HEG1: variants seen among roughly 807,000 people sequenced by gnomAD.
HEG1 encodes heart development protein with EGF like domains 1.
HEG1 carries 56 observed loss-of-function variants against 125.6 expected under a neutral mutation model. The observed-to-expected ratio is 0.45, with a 90% CI of 0.36 to 0.56. The LOEUF (loss-of-function observed/expected upper bound fraction) is 0.56, where lower values mean the gene tolerates loss of function less well. Among genes scored for constraint, HEG1 ranks in the 20% least tolerant of loss-of-function variants. HEG1 has a pLI of 0.00. For missense variants in HEG1, 1,523 were observed against 1,670.0 expected (o/e 0.91, Z 1.53); for synonymous variants, 644 against 668.5 (o/e 0.96, Z 0.57).
rs779519939 is a variant in HEG1, at chr3:124,973,888, A to T, written c.3839T>A (p.Ile1280Lys). The change falls in exon 16 of 17, where the codon ATA becomes AAA. Residue 1280 changes from isoleucine (I) to lysine (K), a missense_variant. By Grantham distance (102) the Ile-to-Lys change is moderately radical. Transcript: ENST00000311127. Reference protein sequence around the residue: ...VTCCRKNKNDISKLIFKSGDF... With the variant: ...VTCCRKNKNDKSKLIFKSGDF... ...TCCACTTTTGAAGATGAGTTTGCTT[A>T]TGTCATTTTTATTCTTTCTGTGGGA... The T allele has an allele frequency of 6.2e-7, 1 of 1,611,640 alleles. No homozygotes were observed. The highest frequency in any genetic ancestry group is 1.7e-5 in the Admixed American group (1 of 59,790).
chr3:124,979,385 C>G (rs1936609688), intron 14 of HEG1, among the ~76,000 whole-genome samples: 1 of 152,174 alleles, frequency 6.6e-6, no homozygotes, highest in Admixed American at 6.5e-5. Flanking sequence ...CTGCATCAAC[C>G]ATGCTAGGGA....
chr3:124,993,817 C>T (rs1250838022), intron 12 of HEG1, among the ~76,000 whole-genome samples: 6 of 152,296 alleles, frequency 3.9e-5, no homozygotes, highest in South Asian at 4.1e-4. Flanking sequence ...GTCCTGCCCG[C>T]GAGCTGATGG....
intron 1 of HEG1, 36 bp from the exon 2 acceptor site, chr3:125,029,524 C>T (rs368063856): frequency 2.1e-5 from 33 of 1,565,668 alleles, no homozygotes; most frequent in Non-Finnish European, 2.3e-5. Flanking sequence ...GGAGAGTTTG[C>T]TGGCTTCTGA....
At chr3:125,046,125 C>T (rs1293087024) in intron 1 of HEG1, among the ~76,000 whole-genome samples, 1 of 152,040 alleles carries the variant, frequency 6.6e-6, no homozygotes, top group Non-Finnish European at 1.5e-5. Context: ...AAGCACAGTT[C>T]CTCCAACCCC....
chr3:124,983,519 G>A (rs1016968647), intron 14 of HEG1, among the ~76,000 whole-genome samples: 2 of 137,166 alleles, frequency 1.5e-5, no homozygotes, highest in African/African-American at 5.5e-5. Context: ...TTTTTTTTTA[G>A]AGATGAGGTC....
chr3:124,976,883 G>A (rs936853621), intron 15 of HEG1, among the ~76,000 whole-genome samples: 13 of 152,048 alleles, frequency 8.5e-5, no homozygotes, highest in South Asian at 2.1e-4. Context: ...AGATACAGAC[G>A]CCCAATCTCA....
At position 125,014,381 on chromosome 3, in the gene HEG1, A is replaced by G. The variant is rs371363122; in HGVS notation, c.1589-391T>C. ...AGAATAACTGTTATGCCTAAATGAA[A>G]AAAGGAAAATCTTCCCAACTTTCCA... is the stretch of plus-strand genomic sequence containing the variant. On this transcript the variant is annotated intron_variant, in intron 5 of 16. Transcript: ENST00000311127. Among the ~76,000 whole-genome samples the G allele has an allele frequency of 2.5e-4, 38 of 152,352 alleles. No homozygotes were observed. The East Asian group carries it at 5.4e-3, about 22-fold the overall frequency.
chr3:125,019,244 T>G lies in HEG1; in HGVS notation c.1588+18A>C. On this transcript the variant is annotated intron_variant, in intron 5 of 16. Transcript: ENST00000311127. ...CTCTCCTCTATGGGGCACAGTTGCA[T>G]GAAATGGAAAAACTCACTCGAACGT... is the stretch of plus-strand genomic sequence containing the variant. The G allele has an allele frequency of 6.3e-7, 1 of 1,592,898 alleles. No homozygotes were observed. Among genetic ancestry groups the G allele is most frequent in the Non-Finnish European group, 8.6e-7 (1 of 1,161,736 alleles).
In HEG1 at chr3:124,973,801, C is replaced by G. The variant is rs375137864; in HGVS notation, c.3926G>C (p.Arg1309Pro). ...PKNPRSQEWGREAIEMHENGS... is the reference protein window; with the variant it reads ...PKNPRSQEWGPEAIEMHENGS... The stretch of plus-strand genomic sequence containing the variant: ...ATTCTCATGCATTTCAATAGCTTCT[C>G]GGCCCCATTCTTGTGAGCGAGGATT... Residue 1309 changes from arginine to proline, a missense_variant, in exon 16 of 17, where the codon CGA (arginine) becomes CCA (proline). Transcript: ENST00000311127. 1 of 1,613,904 alleles carries G rather than the reference C, an allele frequency of 6.2e-7. No homozygotes were observed. The highest frequency in any genetic ancestry group is 2.2e-5 in the East Asian group (1 of 44,892).
intron 7 of HEG1, 102 bp from the exon 8 acceptor site, chr3:125,009,926 T>C: frequency 8.3e-7 from 1 of 1,207,218 alleles, no homozygotes; most frequent in Non-Finnish European, 1.1e-6. Flanking sequence ...GTGCTAGGTG[T>C]GGTGAGACCC....
In HEG1 at chr3:125,009,795, G is replaced by A; in HGVS notation, c.3103C>T (p.Pro1035Ser). ...GTATTGTTGCACATGGCTGTGGATG[G>A]GCAGGGGTTCGACAGGCACTCATTC... ...DVNECLSNPC[P>S]STAMCNNTQG... The change falls in exon 8 of 17, where the codon CCA (proline) becomes TCA (serine). Residue 1035 changes from proline to serine, a missense_variant. Pro to Ser is a moderately conservative substitution (Grantham distance 74). Coordinates refer to ENST00000311127, the MANE Select transcript of HEG1 (RefSeq NM_020733.2). The A allele has an allele frequency of 6.2e-7, 1 of 1,613,540 alleles. No homozygotes were observed. Among genetic ancestry groups the A allele is most frequent in the Non-Finnish European group, 8.5e-7 (1 of 1,179,614 alleles).
chr3:125,011,252 A>G lies in HEG1; in HGVS notation c.2957-697T>C, dbSNP rs188477790. 2.6e-3 allele frequency among the ~76,000 whole-genome samples: 401 copies of G among 152,276 alleles called. 2 individuals are homozygous for G. The highest frequency in any genetic ancestry group is 5.4e-3 in the South Asian group (26 of 4,826). Reference sequence around the variant, plus strand: ...AAAAGTCAAGTCTTCACTCAAAAAAAAAAAATAGTAACCCTGAAAACAAAT... The same window carrying G: ...AAAAGTCAAGTCTTCACTCAAAAAAGAAAAATAGTAACCCTGAAAACAAAT... On this transcript the variant is annotated intron_variant, in intron 6 of 16. Transcript: ENST00000311127.
At position 124,969,221 on chromosome 3, in the gene HEG1, G is replaced by A. The variant is rs1936380234; in HGVS notation, c.*1431C>T. 6.6e-6 allele frequency: 1 copy of A among 152,088 alleles called. No individual in the cohort carries two copies. Among genetic ancestry groups the A allele is most frequent in the African/African-American group, 2.4e-5 (1 of 41,394 alleles). 9.4% of individuals were successfully genotyped at this position (152,088 alleles called of 1,614,324 possible). On this transcript the variant is annotated 3_prime_UTR_variant, in exon 17 of 17. Transcript: ENST00000311127. ...TCCAAAACCAGGATGCCCCAAAGAA[G>A]GCCAATAAACACAGTTCCCCAGGTG... is the stretch of plus-strand genomic sequence containing the variant.
intron 14 of HEG1, among the ~76,000 whole-genome samples, chr3:124,987,529 T>C (rs1403008742): frequency 4.7e-5 from 7 of 150,340 alleles, no homozygotes; most frequent in Admixed American, 2.0e-4. Flanking sequence ...TTTTCTTTTT[T>C]TTTTTTTTTT....
intron 5 of HEG1, among the ~76,000 whole-genome samples, chr3:125,017,502 A>T (rs1937268986): frequency 6.6e-6 from 1 of 152,248 alleles, no homozygotes; most frequent in African/African-American, 2.4e-5. Flanking sequence ...ACTGGAAAAT[A>T]CAAGTCAAAA....
rs1233846044 is a variant in HEG1 at position 124,969,525 on chromosome 3, G to C, written c.*1127C>G. 1 of 152,216 alleles carries C rather than the reference G, an allele frequency of 6.6e-6. No individual in the cohort carries two copies. Among genetic ancestry groups the C allele is most frequent in the East Asian group, 1.9e-4 (1 of 5,202 alleles). The allele number at this position is 152,216 out of a possible 1,614,324, so 9.4% of individuals were successfully genotyped here. A position where few individuals can be genotyped will look rare whatever the true frequency, so the allele number is the denominator to read the frequency against. On this transcript the variant is annotated 3_prime_UTR_variant, in exon 17 of 17. Coordinates refer to ENST00000311127, the MANE Select transcript of HEG1 (RefSeq NM_020733.2). ...GGTTGAAAGTTTACATGGGGTTTGT[G>C]GACATGAGATTCTGGGTACAAAGTG...
intron 1 of HEG1, among the ~76,000 whole-genome samples, chr3:125,031,653 CCACA>C (rs139599713): frequency 2.0e-5 from 3 of 148,956 alleles, no homozygotes; most frequent in Non-Finnish European, 3.0e-5. Context: ...TATCTAAATA[CCACA>C]CACACACACA....
At chr3:125,023,096 AG>A (rs1937359808) in intron 3 of HEG1, among the ~76,000 whole-genome samples, 1 of 152,174 alleles carries the variant, frequency 6.6e-6, no homozygotes, top group African/African-American at 2.4e-5. Flanking sequence ...CGGGAGGTTG[AG>A]GCAGGAGAAT....
chr3:124,998,827 C>A (rs1228682499), intron 11 of HEG1, among the ~76,000 whole-genome samples: 3 of 151,992 alleles, frequency 2.0e-5, no homozygotes, highest in African/African-American at 7.3e-5. Context: ...TTATTTACAC[C>A]CATGTGCAGG....
Sources: allele counts gnomAD v4.1 joint callset (sites outside exome capture counted in the v4.1 genomes callset), GRCh38; gene constraint gnomAD v4.1.1; transcripts MANE v1.5; gene names NCBI Gene and HGNC (gene_info 2026-07-23, HGNC 2026-07-21).